UNC5C: variants seen among roughly 807,000 people sequenced by gnomAD.
UNC5C encodes the protein unc-5 netrin receptor C.
In UNC5C, 47 loss-of-function variants were observed where a neutral mutation model predicts 99.8. That is an observed-to-expected ratio of 0.47 (90% CI 0.37 to 0.60). The LOEUF (loss-of-function observed/expected upper bound fraction) is 0.60. Among genes scored for constraint, UNC5C ranks in the 20% least tolerant of loss-of-function variants. UNC5C has a pLI of 0.00. For missense variants in UNC5C, 1,062 were observed against 1,165.9 expected, an observed-to-expected ratio of 0.91 and a Z score of 1.30; for synonymous variants, 487 against 452.2, an observed-to-expected ratio of 1.08 and a Z score of -0.98.
intron 7 of UNC5C, among the ~76,000 whole-genome samples, chr4:95,228,840 TAG>T: frequency 6.6e-6 from 1 of 152,274 alleles, no homozygotes; most frequent in East Asian, 1.9e-4. Context: ...AAAAATAGCA[TAG>T]AGAGGTTGTC....
chr4:95,351,853 T>C (rs768419274), intron 1 of UNC5C, among the ~76,000 whole-genome samples: 21 of 152,060 alleles, frequency 1.4e-4, no homozygotes, highest in Non-Finnish European at 2.5e-4. Context: ...CTGAATACAG[T>C]GCCCCTTCAA....
At chr4:95,391,349 C>T (rs1745354285) in intron 1 of UNC5C, among the ~76,000 whole-genome samples, 1 of 152,196 alleles carries the variant, frequency 6.6e-6, no homozygotes. Flanking sequence ...GATCCTTCTG[C>T]CTCTGCCTCC....
intron 7 of UNC5C, among the ~76,000 whole-genome samples, chr4:95,235,641 AT>A (rs1739082093): frequency 6.6e-6 from 1 of 152,164 alleles, no homozygotes; most frequent in South Asian, 2.1e-4. Flanking sequence ...TCTTTAATCC[AT>A]CTTGAATTAA....
At chr4:95,531,749 C>G (rs1722649416) in intron 1 of UNC5C, among the ~76,000 whole-genome samples, 5 of 152,250 alleles carry the variant, frequency 3.3e-5, no homozygotes, top group Admixed American at 3.3e-4. Flanking sequence ...TACTCTACCC[C>G]TGTTCCTATA....
intron 10 of UNC5C, among the ~76,000 whole-genome samples, chr4:95,210,904 C>A (rs1286931176): frequency 1.3e-5 from 2 of 152,186 alleles, no homozygotes; most frequent in Non-Finnish European, 2.9e-5. Flanking sequence ...TCATGGTACA[C>A]CTGTATGGCA....
intron 2 of UNC5C, among the ~76,000 whole-genome samples, chr4:95,327,274 G>A (rs1271095429): frequency 1.3e-5 from 2 of 151,962 alleles, no homozygotes; most frequent in African/African-American, 4.8e-5. Flanking sequence ...AAGCTTTAAC[G>A]TAAAAAGCCT....
chr4:95,201,452 T>C (rs1437079754), intron 12 of UNC5C, among the ~76,000 whole-genome samples: 1 of 152,152 alleles, frequency 6.6e-6, no homozygotes, highest in Non-Finnish European at 1.5e-5. Context: ...CTAATATGTA[T>C]TTTCAATCAT....
At chr4:95,222,736 C>G (rs948856549) in intron 7 of UNC5C, among the ~76,000 whole-genome samples, 1 of 152,012 alleles carries the variant, frequency 6.6e-6, no homozygotes, top group Admixed American at 6.6e-5. Flanking sequence ...CATCATTGGT[C>G]AAAGGTTAAG....
At chr4:95,492,159 C>G (rs1244997642) in intron 1 of UNC5C, among the ~76,000 whole-genome samples, 1 of 151,178 alleles carries the variant, frequency 6.6e-6, no homozygotes, top group Non-Finnish European at 1.5e-5. Flanking sequence ...ATTTAAATAG[C>G]AATGTATAGT....
chr4:95,377,925 G>A (rs1399732840), intron 1 of UNC5C, among the ~76,000 whole-genome samples: 1 of 152,160 alleles, frequency 6.6e-6, no homozygotes, highest in Non-Finnish European at 1.5e-5. Context: ...CTCGATAACT[G>A]ACTTGCTTTA....
chr4:95,164,984 G>T lies in UNC5C; in HGVS notation c.*4250C>A, dbSNP rs575920657. 1 of 152,378 alleles carries T rather than the reference G, an allele frequency of 6.6e-6. No individual in the cohort carries two copies. The highest frequency in any genetic ancestry group is 1.9e-4 in the East Asian group (1 of 5,188). The allele number at this position is 152,378 out of a possible 1,614,324, so 9.4% of individuals were successfully genotyped here. A position where few individuals can be genotyped will look rare whatever the true frequency, so the allele number is the denominator to read the frequency against. On this transcript the variant is annotated 3_prime_UTR_variant, in exon 16 of 16. Transcript: ENST00000453304. Reference sequence around the variant, plus strand: ...AAGACCTTTGAATTCTGGGGAGATGGTGATCACCTTATTAACTCCCTTCTG... The same window carrying T: ...AAGACCTTTGAATTCTGGGGAGATGTTGATCACCTTATTAACTCCCTTCTG...
At chr4:95,202,474 A>C (rs1002898996) in intron 12 of UNC5C, among the ~76,000 whole-genome samples, 55 of 152,246 alleles carry the variant, frequency 3.6e-4, no homozygotes, top group African/African-American at 1.2e-3. Flanking sequence ...TCGTTGCCAA[A>C]TTCTTCTAAA....
intron 10 of UNC5C, among the ~76,000 whole-genome samples, chr4:95,210,303 C>A (rs963929471): frequency 6.6e-6 from 1 of 152,090 alleles, no homozygotes; most frequent in Admixed American, 6.5e-5. Context: ...GAATGAAAAA[C>A]AAAGAAGAAA....
At chr4:95,517,884 T>C (rs1453962240) in intron 1 of UNC5C, among the ~76,000 whole-genome samples, 1 of 152,140 alleles carries the variant, frequency 6.6e-6, no homozygotes, top group Non-Finnish European at 1.5e-5. Context: ...GATTTTTTTT[T>C]CTCAAGCAGA....
chr4:95,370,627 T>C (rs999244936), intron 1 of UNC5C, among the ~76,000 whole-genome samples: 1 of 152,238 alleles, frequency 6.6e-6, no homozygotes, highest in Non-Finnish European at 1.5e-5. Flanking sequence ...TGTTTTGTTT[T>C]GTTAACCTTC....
chr4:95,178,824 C>G (rs949108109), intron 14 of UNC5C, among the ~76,000 whole-genome samples: 1 of 152,200 alleles, frequency 6.6e-6, no homozygotes, highest in Non-Finnish European at 1.5e-5. Context: ...AGCTCTCTAT[C>G]CCTGGCTACT....
At chr4:95,470,273 G>A (rs1199575864) in intron 1 of UNC5C, among the ~76,000 whole-genome samples, 1 of 152,014 alleles carries the variant, frequency 6.6e-6, no homozygotes, top group African/African-American at 2.4e-5. Flanking sequence ...CTCCAAAAAT[G>A]TTTTTCCATA....
chr4:95,244,728 T>G (rs1338353152), intron 6 of UNC5C, among the ~76,000 whole-genome samples: 1 of 152,200 alleles, frequency 6.6e-6, no homozygotes, highest in Non-Finnish European at 1.5e-5. Flanking sequence ...TGTTGAATAA[T>G]ATAAAGGGAT....
At position 95,204,514 on chromosome 4, in the gene UNC5C, G is replaced by A. The variant is rs11939739; in HGVS notation, c.1903-1550C>T. ...GTTGCTATGCAGGAATGCAGGCCAA[G>A]TATGGACAAAGCCTCACATGTTCCA... On this transcript the variant is annotated intron_variant, in intron 11 of 15. Coordinates refer to ENST00000453304, the MANE Select transcript of UNC5C (RefSeq NM_003728.4). 6.3e-3 allele frequency among the ~76,000 whole-genome samples: 964 copies of A among 152,352 alleles called. 15 individuals carry two copies. The highest frequency in any genetic ancestry group is 0.021 in the African/African-American group (888 of 41,582).
Sources: gnomAD v4.1 joint callset for allele counts (sites outside exome capture counted in the v4.1 genomes callset) on GRCh38, gnomAD v4.1.1 for gene constraint, MANE v1.5 for transcripts, NCBI Gene and HGNC (gene_info 2026-07-23, HGNC 2026-07-21) for gene names.